The following SHB variants were observed in gnomAD, a reference collection of about 807,000 sequenced individuals.
SHB encodes the protein SH2 domain-containing adapter protein B.
SHB carries 20 observed loss-of-function variants against 52.3 expected under a neutral mutation model. That is an observed-to-expected ratio of 0.38 (90% CI 0.27 to 0.56). The LOEUF (loss-of-function observed/expected upper bound fraction) is 0.56. Among genes scored for constraint, SHB ranks in the 20% least tolerant of loss-of-function variants. SHB has a pLI of 0.71. For synonymous variants in SHB, 397 were observed against 316.5 expected (o/e 1.25, Z -2.70); for missense variants, 825 against 723.3 (o/e 1.14, Z -1.61).
chr9:38,057,040 A>G (rs1305187515), intron 1 of SHB, among the ~76,000 whole-genome samples: 1 of 152,248 alleles, frequency 6.6e-6, no homozygotes, highest in Non-Finnish European at 1.5e-5. Flanking sequence ...GAAAGTATGT[A>G]TCAGACTTTT....
chr9:38,064,450 TAC>T, intron 1 of SHB, among the ~76,000 whole-genome samples: 1 of 152,270 alleles, frequency 6.6e-6, no homozygotes, highest in East Asian at 1.9e-4. Context: ...TTTATACACA[TAC>T]ACACACGTCT....
chr9:37,971,290 G>A (rs750640747), intron 3 of SHB, among the ~76,000 whole-genome samples: 7 of 152,210 alleles, frequency 4.6e-5, no homozygotes, highest in Non-Finnish European at 8.8e-5. Context: ...CATCCTTCCC[G>A]GGAAGCTGCA....
At chr9:37,937,558 G>C (rs551926901) in intron 5 of SHB, among the ~76,000 whole-genome samples, 3 of 152,134 alleles carry the variant, frequency 2.0e-5, no homozygotes, top group Non-Finnish European at 4.4e-5. Context: ...TCCTAGAGAA[G>C]AGCAGGTGAA....
chr9:37,934,599 T>C (rs746171301), intron 5 of SHB, among the ~76,000 whole-genome samples: 10 of 152,098 alleles, frequency 6.6e-5, no homozygotes, highest in African/African-American at 1.4e-4. Flanking sequence ...CTGTGTACAG[T>C]TGGGTCCAAG....
rs546459902 is a variant in SHB at position 37,965,937 on chromosome 9, G to A, written c.1054+8685C>T. ...CTGTGGTTGTTTTTGAGACTGTATTGCACTCACACAGGGTTTATGCTGAAC... is the reference window on the plus strand; with the variant it reads ...CTGTGGTTGTTTTTGAGACTGTATTACACTCACACAGGGTTTATGCTGAAC... On this transcript the variant is annotated intron_variant, in intron 3 of 5. Coordinates refer to ENST00000377707, the MANE Select transcript of SHB (RefSeq NM_003028.3). Among the ~76,000 whole-genome samples, 4 of 152,252 alleles carry A rather than the reference G, an allele frequency of 2.6e-5. No homozygotes were observed. In the East Asian group the frequency reaches 7.7e-4, roughly 29 times the overall value.
At chr9:37,975,562 G>A (rs1820644087) in intron 2 of SHB, among the ~76,000 whole-genome samples, 1 of 152,208 alleles carries the variant, frequency 6.6e-6, no homozygotes, top group Non-Finnish European at 1.5e-5. Flanking sequence ...TCTAGACGAG[G>A]TCCCAGACAG....
chr9:38,013,870 T>A (rs1821175281), intron 2 of SHB, among the ~76,000 whole-genome samples: 2 of 152,202 alleles, frequency 1.3e-5, no homozygotes, highest in Non-Finnish European at 2.9e-5. Flanking sequence ...GCAAGCCACT[T>A]ACTTCTATTG....
chr9:37,955,950 C>G lies in SHB; in HGVS notation c.1159G>C (p.Gly387Arg). The G allele has an allele frequency of 2.5e-6, 4 of 1,612,912 alleles. No homozygotes were observed. Among genetic ancestry groups the G allele is most frequent in the Non-Finnish European group, 3.4e-6 (4 of 1,179,724 alleles). The change falls in exon 4 of 6, where the codon GGG becomes CGG. Residue 387 changes from glycine to arginine, a missense_variant. Physicochemically the swap from Gly to Arg is moderately radical, Grantham distance 125. Coordinates refer to ENST00000377707, the MANE Select transcript of SHB (RefSeq NM_003028.3). ...AGGATCCCGCAGAACTCAGGGCTCC[C>G]ATGTTTGATAGGCTTAAAGCCCCCT... Reference protein sequence around the residue: ...PGGGFKPIKHGSPEFCGILGE... With the variant: ...PGGGFKPIKHRSPEFCGILGE...
chr9:38,062,860 T>G (rs1001715377), intron 1 of SHB, among the ~76,000 whole-genome samples: 15 of 152,228 alleles, frequency 9.9e-5, no homozygotes, highest in African/African-American at 3.6e-4. Flanking sequence ...ATTTCCATAT[T>G]GTCTATGGCT....
chr9:38,057,479 G>A (rs1821836701), intron 1 of SHB, among the ~76,000 whole-genome samples: 1 of 152,200 alleles, frequency 6.6e-6, no homozygotes, highest in East Asian at 1.9e-4. Flanking sequence ...TTAGTCAAAA[G>A]ATAAATGTGG....
intron 1 of SHB, among the ~76,000 whole-genome samples, chr9:38,057,707 G>A (rs1037526460): frequency 1.3e-5 from 2 of 152,246 alleles, no homozygotes; most frequent in African/African-American, 4.8e-5. Flanking sequence ...AAGTTTCACT[G>A]TTAAGAACTT....
At chr9:38,032,321 G>A (rs1164900726) in intron 1 of SHB, among the ~76,000 whole-genome samples, 2 of 152,206 alleles carry the variant, frequency 1.3e-5, no homozygotes, top group Admixed American at 6.5e-5. Flanking sequence ...AGCACAGAAG[G>A]CTACGCAGGT....
At chr9:38,004,415 G>A (rs1821055796) in intron 2 of SHB, among the ~76,000 whole-genome samples, 1 of 152,160 alleles carries the variant, frequency 6.6e-6, no homozygotes, top group Non-Finnish European at 1.5e-5. Flanking sequence ...GTGGAGCTGA[G>A]TGAATAAAGA....
At chr9:38,002,531 G>C (rs1027887170) in intron 2 of SHB, among the ~76,000 whole-genome samples, 3 of 152,122 alleles carry the variant, frequency 2.0e-5, no homozygotes, top group African/African-American at 7.2e-5. Context: ...CTAGTGACTG[G>C]AAGGGGCCCT....
intron 2 of SHB, among the ~76,000 whole-genome samples, chr9:38,013,727 C>G (rs1211199162): frequency 6.6e-6 from 1 of 152,150 alleles, no homozygotes; most frequent in Non-Finnish European, 1.5e-5. Flanking sequence ...AGGGGCAAAC[C>G]CTCCATGAGA....
At position 38,004,674 on chromosome 9, in the gene SHB, G is replaced by A. The variant is rs533774105; in HGVS notation, c.838+11337C>T. ...CAGCATGAAGACTTGGAAGGCCCCC[G>A]ACCTGGTGAGGAGTTGCCAGAGAGG... On this transcript the variant is annotated intron_variant, in intron 2 of 5. Coordinates refer to ENST00000377707, the MANE Select transcript of SHB (RefSeq NM_003028.3). Among the ~76,000 whole-genome samples, 35 of 152,344 alleles carry A rather than the reference G, an allele frequency of 2.3e-4. No individual in the cohort carries two copies. The South Asian group carries it at 5.8e-3, about 25-fold the overall frequency.
intron 5 of SHB, among the ~76,000 whole-genome samples, chr9:37,931,602 G>A (rs374212294): frequency 6.6e-6 from 1 of 152,210 alleles, no homozygotes; most frequent in Non-Finnish European, 1.5e-5. Flanking sequence ...AAATGTTGGC[G>A]AGGATGCGGA....
chr9:37,990,915 C>A (rs544416936), intron 2 of SHB, among the ~76,000 whole-genome samples: 1 of 152,054 alleles, frequency 6.6e-6, no homozygotes, highest in Non-Finnish European at 1.5e-5. Flanking sequence ...TTTGTAGATA[C>A]GCACAGATGT....
intron 3 of SHB, among the ~76,000 whole-genome samples, chr9:37,973,348 T>C (rs7357654): frequency 0.57 from 87,028 of 152,054 alleles, 25,305 homozygotes; most frequent in East Asian, 0.77. Context: ...CTCGGCCTCC[T>C]GAGTAGCTGA....
Sources: allele counts gnomAD v4.1 joint callset (sites outside exome capture counted in the v4.1 genomes callset), GRCh38; gene constraint gnomAD v4.1.1; transcripts MANE v1.5; gene names NCBI Gene and HGNC (gene_info 2026-07-23, HGNC 2026-07-21).